The following SPOPL variants were observed in gnomAD, a reference collection of about 807,000 sequenced individuals.
SPOPL encodes the protein speckle type BTB/POZ protein like.
Under a neutral mutation model 53.8 loss-of-function variants are expected in SPOPL, and 23 were observed. The observed-to-expected ratio is 0.43, with a 90% CI of 0.31 to 0.61. The LOEUF (loss-of-function observed/expected upper bound fraction) is 0.61. Among genes scored for constraint, SPOPL ranks in the 20% least tolerant of loss-of-function variants. The probability of loss-of-function intolerance (pLI) is 0.12; values close to 1 mark genes in which losing one functional copy is unlikely to be tolerated. For missense variants in SPOPL, 442 were observed against 466.9 expected, an observed-to-expected ratio of 0.95 and a Z score of 0.49; for synonymous variants, 164 against 149.7, an observed-to-expected ratio of 1.10 and a Z score of -0.70.
At chr2:138,564,187 T>G (rs1685609976) in intron 8 of SPOPL, among the ~76,000 whole-genome samples, 1 of 152,238 alleles carries the variant, frequency 6.6e-6, no homozygotes, top group African/African-American at 2.4e-5. Flanking sequence ...GATGGTTTTA[T>G]GGCTGTATAA....
chr2:138,558,584 T>A (rs1685476983), intron 5 of SPOPL, among the ~76,000 whole-genome samples: 1 of 152,104 alleles, frequency 6.6e-6, no homozygotes, highest in African/African-American at 2.4e-5. Context: ...CGGTAAAAAG[T>A]CATTTTGACT....
chr2:138,550,698 T>C, intron 3 of SPOPL, 94 bp downstream of exon 3: 1 of 1,493,800 alleles, frequency 6.7e-7, no homozygotes, highest in Non-Finnish European at 9.0e-7. Context: ...TGAATGAGTA[T>C]TAATGTAATT....
chr2:138,565,938 G>A (rs576069361), intron 10 of SPOPL, among the ~76,000 whole-genome samples: 1 of 151,968 alleles, frequency 6.6e-6, no homozygotes, highest in Admixed American at 6.6e-5. Flanking sequence ...TTTTCACCGT[G>A]GTAGCCAGGA....
In SPOPL at chr2:138,564,851, G is replaced by A. The variant is rs200330663; in HGVS notation, c.980+1G>A. 6.2e-7 allele frequency: 1 copy of A among 1,614,076 alleles called. No homozygotes were observed. The highest frequency in any genetic ancestry group is 2.2e-5 in the East Asian group (1 of 44,872). On this transcript the variant is annotated splice_donor_variant, in intron 9 of 10. Coordinates refer to ENST00000280098, the MANE Select transcript of SPOPL (RefSeq NM_001001664.3). LOFTEE classifies it high-confidence loss of function. ...CACAAGCCATAGACTTTATTAATAG[G>A]TAAGCTATGCTTGTATTTCAGTGGG...
intron 1 of SPOPL, among the ~76,000 whole-genome samples, chr2:138,542,524 T>G (rs2104884165): frequency 6.6e-6 from 1 of 152,326 alleles, no homozygotes; most frequent in East Asian, 1.9e-4. Flanking sequence ...TTTGTTGGTT[T>G]AAAGTCTGTT....
intron 1 of SPOPL, among the ~76,000 whole-genome samples, chr2:138,508,506 T>A (rs1684261479): frequency 6.6e-6 from 1 of 151,982 alleles, no homozygotes; most frequent in Admixed American, 6.6e-5. Flanking sequence ...AACTTTTGTA[T>A]TTTTAGTAGA....
intron 1 of SPOPL, among the ~76,000 whole-genome samples, chr2:138,545,631 GGGTTTCA>G (rs1685177869): frequency 6.6e-6 from 1 of 151,920 alleles, no homozygotes; most frequent in South Asian, 2.1e-4. Context: ...AGCACAGACA[GGGTTTCA>G]CCGTGTTAGC....
intron 5 of SPOPL, chr2:138,554,504 T>C: frequency 7.8e-7 from 1 of 1,288,708 alleles, no homozygotes; most frequent in Non-Finnish European, 1.0e-6. Flanking sequence ...AACTGCCTCC[T>C]CCCCCTCCCC....
intron 4 of SPOPL, 108 bp downstream of exon 4, chr2:138,551,162 C>T: frequency 7.9e-7 from 1 of 1,262,322 alleles, no homozygotes; most frequent in Non-Finnish European, 1.1e-6. Context: ...CTAAAATCTG[C>T]TTAACCTGAA....
intron 1 of SPOPL, among the ~76,000 whole-genome samples, chr2:138,526,005 T>C (rs1684667765): frequency 1.3e-5 from 2 of 152,218 alleles, no homozygotes. Flanking sequence ...CTCTAGATAG[T>C]ATTACCCATG....
intron 1 of SPOPL, among the ~76,000 whole-genome samples, chr2:138,522,850 G>A (rs116486349): frequency 3.9e-5 from 6 of 152,258 alleles, no homozygotes; most frequent in African/African-American, 1.4e-4. Context: ...TGGACTTTCT[G>A]TTTTCACGTG....
intron 1 of SPOPL, among the ~76,000 whole-genome samples, chr2:138,531,745 T>C (rs1573883511): frequency 6.6e-6 from 1 of 152,092 alleles, no homozygotes; most frequent in African/African-American, 2.4e-5. Flanking sequence ...TTCCATTTGA[T>C]TCTTTTAAAA....
intron 1 of SPOPL, among the ~76,000 whole-genome samples, chr2:138,514,959 C>G (rs979291662): frequency 6.6e-6 from 1 of 152,118 alleles, no homozygotes; most frequent in East Asian, 1.9e-4. Context: ...AACATGATTC[C>G]TTTCCCTACT....
At chr2:138,523,312 C>T (rs1684596897) in intron 1 of SPOPL, among the ~76,000 whole-genome samples, 1 of 152,122 alleles carries the variant, frequency 6.6e-6, no homozygotes, top group African/African-American at 2.4e-5. Context: ...GAAAAACACC[C>T]ACCCCCATGA....
intron 10 of SPOPL, among the ~76,000 whole-genome samples, chr2:138,566,825 GGTAA>G (rs1307857854): frequency 6.6e-6 from 1 of 151,978 alleles, no homozygotes; most frequent in Non-Finnish European, 1.5e-5. Flanking sequence ...ATTATAATAT[GGTAA>G]GTAATACAAT....
intron 1 of SPOPL, among the ~76,000 whole-genome samples, chr2:138,525,976 T>C (rs1014007281): frequency 6.6e-5 from 10 of 152,220 alleles, no homozygotes. Flanking sequence ...TCTATAATGT[T>C]CTATATGTCC....
chr2:138,568,203 G>A (rs1685707939), intron 10 of SPOPL, among the ~76,000 whole-genome samples: 1 of 152,152 alleles, frequency 6.6e-6, no homozygotes, highest in Admixed American at 6.6e-5. Flanking sequence ...GTGAGATGAT[G>A]TGGGCCTTAA....
intron 1 of SPOPL, among the ~76,000 whole-genome samples, chr2:138,539,497 C>T (rs1465470104): frequency 6.6e-6 from 1 of 152,142 alleles, no homozygotes; most frequent in Non-Finnish European, 1.5e-5. Context: ...TCTCTGATGG[C>T]CAGTGATGAT....
At chr2:138,554,159 G>A (rs1301133064) in intron 5 of SPOPL, among the ~76,000 whole-genome samples, 2 of 140,708 alleles carry the variant, frequency 1.4e-5, no homozygotes, top group Non-Finnish European at 3.0e-5. Context: ...AAGAAATTCA[G>A]AAATAAGGCT....
Sources: gnomAD v4.1 joint callset for allele counts (sites outside exome capture counted in the v4.1 genomes callset) on GRCh38, gnomAD v4.1.1 for gene constraint, MANE v1.5 for transcripts, NCBI Gene and HGNC (gene_info 2026-07-23, HGNC 2026-07-21) for gene names.